Variants in APMAP observed in about 807,000 individuals in gnomAD.
APMAP encodes adipocyte plasma membrane associated protein.
A neutral mutation model predicts 43.6 loss-of-function variants in APMAP; 33 were observed. That is an observed-to-expected ratio of 0.76 (90% CI 0.57 to 1.01). The LOEUF (loss-of-function observed/expected upper bound fraction) is 1.01. APMAP is among the 50% of genes least tolerant of loss of function. The pLI is 0.00. For missense variants in APMAP, 498 were observed against 540.7 expected, an observed-to-expected ratio of 0.92 and a Z score of 0.78; for synonymous variants, 224 against 216.7, an observed-to-expected ratio of 1.03 and a Z score of -0.30.
At chr20:24,983,374 C>T (rs78482249) in intron 2 of APMAP, among the ~76,000 whole-genome samples, 5,331 of 152,282 alleles carry the variant, frequency 0.035, 335 homozygotes, top group African/African-American at 0.12. Context: ...TAGATCGTCA[C>T]ACTGATGAGA....
chr20:24,964,270 G>A (rs2087924869), intron 8 of APMAP: 1 of 659,020 alleles, frequency 1.5e-6, no homozygotes, highest in African/African-American at 1.8e-5. Context: ...CACAAGGACA[G>A]CAACGCAAGC....
chr20:24,973,804 C>T (rs2088027100), intron 3 of APMAP, 67 bp from the exon 4 acceptor site: 11 of 1,402,018 alleles, frequency 7.8e-6, no homozygotes, highest in Non-Finnish European at 1.0e-5. Flanking sequence ...GCCGCCTTCT[C>T]CTACAAGAGG....
chr20:24,968,527 G>A (rs1306621630), intron 8 of APMAP, among the ~76,000 whole-genome samples: 1 of 152,178 alleles, frequency 6.6e-6, no homozygotes, highest in African/African-American at 2.4e-5. Context: ...AGCACAGAAG[G>A]CCTGGCAAAG....
At chr20:24,966,154 T>A (rs570436475) in intron 8 of APMAP, among the ~76,000 whole-genome samples, 2 of 152,096 alleles carry the variant, frequency 1.3e-5, no homozygotes, top group South Asian at 4.1e-4. Context: ...GCAGGGACAA[T>A]ACAAGAGGAA....
rs1331990332 is a variant in APMAP, at chr20:24,963,142, T to C, written c.*671A>G. The C allele has an allele frequency of 6.6e-6, 1 of 152,474 alleles. No homozygotes were observed. Among genetic ancestry groups the C allele is most frequent in the Non-Finnish European group, 1.5e-5 (1 of 68,268 alleles). The allele number at this position is 152,474 out of a possible 1,614,324, so 9.4% of individuals were successfully genotyped here. ...ACGGACCCCTGCAGTAGGTCCCGAA[T>C]TGCAGAATCATCCAATTCCAGCATG... On this transcript the variant is annotated 3_prime_UTR_variant, in exon 9 of 9. Coordinates refer to ENST00000217456, the MANE Select transcript of APMAP (RefSeq NM_020531.3).
intron 1 of APMAP, among the ~76,000 whole-genome samples, chr20:24,985,229 T>C (rs932893448): frequency 2.8e-4 from 43 of 152,068 alleles, no homozygotes; most frequent in African/African-American, 9.9e-4. Context: ...ACATGCATGA[T>C]CCAGTCCTGA....
At chr20:24,974,437 A>C (rs2122502784) in intron 3 of APMAP, among the ~76,000 whole-genome samples, 1 of 152,016 alleles carries the variant, frequency 6.6e-6, no homozygotes, top group East Asian at 1.9e-4. Context: ...AATAGAAACA[A>C]AGAATAAGGG....
In APMAP at chr20:24,970,346, G is replaced by A. The variant is rs183734418; in HGVS notation, c.564C>T (p.Ser188=). Reference sequence around the variant, plus strand: ...TGTTCTTCCCCTCAATGGGTGTCTCGGAGGACAGCAGCAGTTTCACTTCAC... The same window carrying A: ...TGTTCTTCCCCTCAATGGGTGTCTCAGAGGACAGCAGCAGTTTCACTTCAC... ...WKREVKLLLS[S]ETPIEGKNMS... is the part of the protein sequence containing the mutation. The change falls in exon 6 of 9, where the codon TCC becomes TCT. Residue 188 remains serine (S), a synonymous_variant. Coordinates refer to ENST00000217456, the MANE Select transcript of APMAP (RefSeq NM_020531.3). 1.7e-5 allele frequency: 28 copies of A among 1,612,720 alleles called. No homozygotes were observed. Among genetic ancestry groups the A allele is most frequent in the Middle Eastern group, 1.7e-4 (1 of 6,054 alleles).
intron 3 of APMAP, 30 bp downstream of exon 3, chr20:24,978,736 AG>A (rs768159893): frequency 6.8e-6 from 7 of 1,033,084 alleles, no homozygotes; most frequent in Non-Finnish European, 5.8e-6. Context: ...ACAGCCTGGA[AG>A]GCTCCCCCCC....
At chr20:24,980,309 G>A (rs760181902) in intron 2 of APMAP, among the ~76,000 whole-genome samples, 1 of 152,232 alleles carries the variant, frequency 6.6e-6, no homozygotes, top group Non-Finnish European at 1.5e-5. Flanking sequence ...AAAAGTTTAT[G>A]ACAACAGCAA....
intron 1 of APMAP, 95 bp downstream of exon 1, chr20:24,992,499 C>A: frequency 9.8e-7 from 1 of 1,022,272 alleles, no homozygotes. Flanking sequence ...CACCGCATCC[C>A]CAGGTTACTG....
At chr20:24,969,310 A>G (rs575109680) in intron 7 of APMAP, among the ~76,000 whole-genome samples, 1 of 152,152 alleles carries the variant, frequency 6.6e-6, no homozygotes, top group African/African-American at 2.4e-5. Flanking sequence ...CAGCAGGGGA[A>G]TGGGGCCCGG....
chr20:24,978,977 G>T, intron 2 of APMAP, 95 bp from the exon 3 acceptor site: 3 of 983,924 alleles, frequency 3.0e-6, no homozygotes, highest in Non-Finnish European at 4.7e-6. Context: ...GATAAAGATG[G>T]CACTTTCTAA....
intron 3 of APMAP, among the ~76,000 whole-genome samples, chr20:24,975,122 G>C (rs2088039732): frequency 6.6e-6 from 1 of 152,066 alleles, no homozygotes; most frequent in Admixed American, 6.6e-5. Context: ...TCAAGAACAA[G>C]GCAAAGATGC....
chr20:24,966,576 T>C (rs1018305953), intron 8 of APMAP, among the ~76,000 whole-genome samples: 2 of 152,090 alleles, frequency 1.3e-5, no homozygotes, highest in African/African-American at 2.4e-5. Context: ...AATCTAAATA[T>C]GAAAAACAAA....
At chr20:24,965,091 T>C (rs1022029106) in intron 8 of APMAP, among the ~76,000 whole-genome samples, 1 of 152,248 alleles carries the variant, frequency 6.6e-6, no homozygotes, top group Non-Finnish European at 1.5e-5. Flanking sequence ...ACACCAGTGC[T>C]AAGTTTCTCA....
At chr20:24,969,499 T>A in intron 7 of APMAP, 27 bp downstream of exon 7, 1 of 1,590,842 alleles carries the variant, frequency 6.3e-7, no homozygotes, top group Non-Finnish European at 8.6e-7. Context: ...GGCCAGTAAC[T>A]GATGGCTCAG....
chr20:24,971,680 T>C (rs2088002409), intron 4 of APMAP, 104 bp from the exon 5 acceptor site: 2 of 962,748 alleles, frequency 2.1e-6, no homozygotes, highest in Non-Finnish European at 3.3e-6. Flanking sequence ...CATCATGCTG[T>C]ACAGAACAAG....
intron 4 of APMAP, among the ~76,000 whole-genome samples, chr20:24,971,940 CTGCAGGTGCTTAT>C (rs2088005295): frequency 7.1e-6 from 1 of 140,596 alleles, no homozygotes; most frequent in Non-Finnish European, 1.5e-5. Context: ...GGGGTACTCA[CTGCAGGTGCTTAT>C]TGCAGGGTGC....
Sources: allele counts gnomAD v4.1 joint callset (sites outside exome capture counted in the v4.1 genomes callset), GRCh38; gene constraint gnomAD v4.1.1; transcripts MANE v1.5; gene names NCBI Gene and HGNC (gene_info 2026-07-23, HGNC 2026-07-21).